ABCA6: variants seen among roughly 807,000 people sequenced by gnomAD.
The protein encoded by ABCA6 is ATP binding cassette subfamily A member 6.
In ABCA6, 164 loss-of-function variants were observed where a neutral mutation model predicts 191.2. The ratio of observed to expected loss-of-function variants is 0.86; its 90% CI spans 0.76 to 0.98. The LOEUF (loss-of-function observed/expected upper bound fraction) is 0.98. ABCA6 is among the 50% of genes least tolerant of loss of function. ABCA6 has a pLI of 0.00. For missense variants in ABCA6, 1,958 were observed against 1,894.1 expected, an observed-to-expected ratio of 1.03 and a Z score of -0.63; for synonymous variants, 636 against 647.7, an observed-to-expected ratio of 0.98 and a Z score of 0.27.
At chr17:69,130,587 T>C (rs1006685014) in intron 6 of ABCA6, among the ~76,000 whole-genome samples, 1 of 152,186 alleles carries the variant, frequency 6.6e-6, no homozygotes, top group Non-Finnish European at 1.5e-5. Flanking sequence ...ATTTAGGTTG[T>C]TTTCCATTTT....
At chr17:69,099,777 G>C (rs1408398428) in intron 22 of ABCA6, 1 of 153,462 alleles carries the variant, frequency 6.5e-6, no homozygotes, top group Non-Finnish European at 1.5e-5. Context: ...AACTCACGGA[G>C]GTATGTGTCT....
chr17:69,128,701 A>G lies in ABCA6; in HGVS notation c.1037T>C (p.Val346Ala), dbSNP rs536409186. The change falls in exon 8 of 39, where the codon GTA (valine) becomes GCA (alanine). Residue 346 changes from valine (V) to alanine (A), a missense_variant. By Grantham distance (64) the Val-to-Ala change is moderately conservative (BLOSUM62 0). Transcript: ENST00000284425. ...AGATGAAGGAAGTTGTTCATAAAAT[A>G]CAGTGAATCCCAGACATCCCCAAAA... Reference protein sequence around the residue: ...TLFWGCLGFTVFYEQLPSSLE... With the variant: ...TLFWGCLGFTAFYEQLPSSLE... 34 of 1,613,428 alleles carry G rather than the reference A, an allele frequency of 2.1e-5. No individual in the cohort carries two copies. In the South Asian group the frequency reaches 2.7e-4, roughly 13 times the overall value.
intron 18 of ABCA6, among the ~76,000 whole-genome samples, chr17:69,106,605 A>AAG (rs1468639663): frequency 6.6e-6 from 1 of 151,616 alleles, no homozygotes; most frequent in African/African-American, 2.4e-5. Context: ...AAAAAAAAAA[A>AAG]AAAAAAAGTT....
chr17:69,113,815 G>T, intron 13 of ABCA6, 78 bp from the exon 14 acceptor site: 5 of 1,308,444 alleles, frequency 3.8e-6, no homozygotes, highest in Non-Finnish European at 5.3e-6. Flanking sequence ...ATGAAAAAAT[G>T]CTCATCATCA....
intron 28 of ABCA6, 143 bp downstream of exon 28, chr17:69,088,024 A>G (rs2072843100): frequency 1.4e-6 from 1 of 710,704 alleles, no homozygotes; most frequent in Non-Finnish European, 2.1e-6. Context: ...TCTTGGCAGT[A>G]AGGCAGCAAT....
At chr17:69,093,672 T>G (rs899513944) in intron 25 of ABCA6, among the ~76,000 whole-genome samples, 2 of 152,210 alleles carry the variant, frequency 1.3e-5, no homozygotes, top group Non-Finnish European at 2.9e-5. Flanking sequence ...AAAGCTCTCC[T>G]GTATCCCGAT....
chr17:69,112,404 T>C lies in ABCA6; in HGVS notation c.2042-131A>G, dbSNP rs1029417825. ...CAACAGGGTATAACTAGATCTAGTG[T>C]GCATTTTAACATTTGAAATACATAT... On this transcript the variant is annotated intron_variant, in intron 15 of 38. Coordinates refer to ENST00000284425, the MANE Select transcript of ABCA6 (RefSeq NM_080284.3). 1.2e-4 allele frequency: 78 copies of C among 633,618 alleles called. 1 individual carries two copies. In the South Asian group the frequency reaches 1.6e-3, roughly 13 times the overall value. 39.2% of individuals were successfully genotyped at this position (633,618 alleles called of 1,614,324 possible).
At chr17:69,119,541 T>A (rs1393012242) in intron 10 of ABCA6, among the ~76,000 whole-genome samples, 1 of 152,056 alleles carries the variant, frequency 6.6e-6, no homozygotes, top group Non-Finnish European at 1.5e-5. Flanking sequence ...CTCCTCAACG[T>A]TCCTCATCAG....
At chr17:69,137,266 T>C (rs2073964254) in intron 3 of ABCA6, 30 bp downstream of exon 3, 2 of 1,591,736 alleles carry the variant, frequency 1.3e-6, no homozygotes, top group South Asian at 1.1e-5. Flanking sequence ...CATCTATCAG[T>C]AACTCTTTTT....
At chr17:69,094,016 A>T (rs1430189085) in intron 25 of ABCA6, among the ~76,000 whole-genome samples, 1 of 152,214 alleles carries the variant, frequency 6.6e-6, no homozygotes, top group Non-Finnish European at 1.5e-5. Context: ...TAACAACTTA[A>T]GCATAAATGG....
At chr17:69,085,925 T>C (rs756351493) in intron 30 of ABCA6, among the ~76,000 whole-genome samples, 1 of 152,226 alleles carries the variant, frequency 6.6e-6, no homozygotes, top group African/African-American at 2.4e-5. Context: ...GAATTTGATG[T>C]CAATACATCT....
intron 18 of ABCA6, among the ~76,000 whole-genome samples, chr17:69,106,751 T>TA (rs2073315675): frequency 6.6e-6 from 1 of 152,110 alleles, no homozygotes; most frequent in Admixed American, 6.6e-5. Context: ...CCAATGGTGA[T>TA]AAAAAATTAA....
rs150749488 is a variant in ABCA6, at chr17:69,112,257, C to T, written c.2058G>A (p.Met686Ile). 8.6e-4 allele frequency: 1,394 copies of T among 1,611,954 alleles called. No homozygotes were observed. The highest frequency in any genetic ancestry group is 1.1e-3 in the Non-Finnish European group (1,272 of 1,178,596). Reference sequence around the variant, plus strand: ...CTGCACACTTCAGTCTCCCATTGGACATGATCACTTTTCTATCTGAATGAA... The same window carrying T: ...CTGCACACTTCAGTCTCCCATTGGATATGATCACTTTTCTATCTGAATGAA... The part of the protein sequence containing the change: ...ADILADRKVI[M>I]SNGRLKCAGS... The change falls in exon 16 of 39, where the codon ATG becomes ATA. Residue 686 changes from methionine to isoleucine, a missense_variant. Physicochemically the swap from Met to Ile is conservative, Grantham distance 10. Transcript: ENST00000284425.
At chr17:69,089,598 T>G in intron 26 of ABCA6, 56 bp from the exon 27 acceptor site, 2 of 1,384,636 alleles carry the variant, frequency 1.4e-6, no homozygotes, top group Middle Eastern at 3.7e-4. Flanking sequence ...TGCTTTATGA[T>G]TTGCACTTAA....
chr17:69,115,572 C>A, intron 11 of ABCA6, 86 bp from the exon 12 acceptor site: 1 of 872,488 alleles, frequency 1.1e-6, no homozygotes, highest in Non-Finnish European at 1.7e-6. Flanking sequence ...TAGAACAAGG[C>A]TATTTAGTTT....
At chr17:69,081,321 G>A (rs1432025390) in intron 36 of ABCA6, among the ~76,000 whole-genome samples, 176 bp from the exon 37 acceptor site, 1 of 152,188 alleles carries the variant, frequency 6.6e-6, no homozygotes, top group Non-Finnish European at 1.5e-5. Context: ...GTATCTGGCT[G>A]TTGCAGACAG....
At position 69,091,135 on chromosome 17, in the gene ABCA6, T is replaced by C. The variant is rs767699356; in HGVS notation, c.3528+8A>G. The C allele has an allele frequency of 3.1e-6, 5 of 1,604,780 alleles. No homozygotes were observed. The Admixed American group carries it at 6.8e-5, about 22-fold the overall frequency. ...AAAATTAATGACACAGTTGGTAACA[T>C]TTCTTACCACTTCCAAAAAAGTTTT... On this transcript the variant is annotated splice_region_variant and intron_variant, in intron 26 of 38. Coordinates refer to ENST00000284425, the MANE Select transcript of ABCA6 (RefSeq NM_080284.3).
intron 2 of ABCA6, among the ~76,000 whole-genome samples, chr17:69,138,160 G>T (rs2073978709): frequency 6.6e-6 from 1 of 152,102 alleles, no homozygotes; most frequent in Admixed American, 6.6e-5. Context: ...TGAATGCATA[G>T]GATCCTCTAG....
In ABCA6 at chr17:69,107,961, G is replaced by A. The variant is rs146521563; in HGVS notation, c.2273-149C>T. ...ACAGTAGTCAAAAGCAAAATTTCATGAGAATGCTCTCCTTCTCTGAAATGA... is the reference window on the plus strand; with the variant it reads ...ACAGTAGTCAAAAGCAAAATTTCATAAGAATGCTCTCCTTCTCTGAAATGA... On this transcript the variant is annotated intron_variant, in intron 17 of 38. Transcript: ENST00000284425. 1.6e-4 allele frequency: 90 copies of A among 567,478 alleles called. 1 individual carries two copies. In the East Asian group the frequency reaches 2.9e-3, roughly 18 times the overall value. 35.2% of individuals were successfully genotyped at this position (567,478 alleles called of 1,614,324 possible).
Sources: allele counts gnomAD v4.1 joint callset (sites outside exome capture counted in the v4.1 genomes callset), GRCh38; gene constraint gnomAD v4.1.1; transcripts MANE v1.5; gene names NCBI Gene and HGNC (gene_info 2026-07-23, HGNC 2026-07-21).